The following VRK2 variants were observed in gnomAD, a reference collection of about 807,000 sequenced individuals.
VRK2 encodes the protein VRK serine/threonine kinase 2.
Under a neutral mutation model 57.6 loss-of-function variants are expected in VRK2, and 60 were observed. That is an observed-to-expected ratio of 1.04 (90% CI 0.85 to 1.29). VRK2 has a LOEUF of 1.29. Ranked by LOEUF, VRK2 falls within the 50% of genes most tolerant of loss-of-function variation. The probability of loss-of-function intolerance (pLI) is 0.00; values close to 1 mark genes in which losing one functional copy is unlikely to be tolerated. For missense variants in VRK2, 705 were observed against 588.1 expected (o/e 1.20, Z -2.06); for synonymous variants, 231 against 199.2 (o/e 1.16, Z -1.35).
Position 57,996,504 on chromosome 2 carries a change from A to G in VRK2, c.-438-29161A>G, listed in dbSNP as rs957705093. ...AATCTCTGTACTATAGGTATTGGTC[A>G]TATCCTGAAGGAAGTCAAACATGCG... is the stretch of plus-strand genomic sequence containing the variant. On this transcript the variant is annotated intron_variant, in intron 1 of 15. Coordinates refer to the VRK2 transcript ENST00000417641. Among the ~76,000 whole-genome samples the G allele has an allele frequency of 2.6e-5, 4 of 152,242 alleles. 1 individual carries two copies. The highest frequency in any genetic ancestry group is 6.3e-3 in the Middle Eastern group (2 of 316).
intron 1 of VRK2, among the ~76,000 whole-genome samples, chr2:57,978,885 G>A (rs1333330260): frequency 6.6e-6 from 1 of 150,650 alleles, no homozygotes; most frequent in Non-Finnish European, 1.5e-5. Flanking sequence ...TCCCAATTAT[G>A]AGTTAGAACA....
chr2:58,134,442 T>C (rs1679675273), intron 9 of VRK2, among the ~76,000 whole-genome samples: 1 of 149,312 alleles, frequency 6.7e-6, no homozygotes, highest in Non-Finnish European at 1.5e-5. Flanking sequence ...AAACCCCGTC[T>C]CTACTAAAAA....
chr2:58,008,361 G>C lies in VRK2; in HGVS notation c.-438-17304G>C, dbSNP rs975158267. Among the ~76,000 whole-genome samples, 7 of 152,138 alleles carry C rather than the reference G, an allele frequency of 4.6e-5. No individual in the cohort carries two copies. The East Asian group carries it at 1.4e-3, about 29-fold the overall frequency. ...AAAAAACAGGAAGATGAAAAGGAAGGAAGGAACGAAGAAAGGAAGCAGGAG... is the reference window on the plus strand; with the variant it reads ...AAAAAACAGGAAGATGAAAAGGAAGCAAGGAACGAAGAAAGGAAGCAGGAG... On this transcript the variant is annotated intron_variant, in intron 1 of 15. Transcript: ENST00000417641.
chr2:58,122,607 G>A (rs1457523987), intron 7 of VRK2, among the ~76,000 whole-genome samples: 2 of 152,152 alleles, frequency 1.3e-5, no homozygotes, highest in East Asian at 3.9e-4. Context: ...CTCAGGTATG[G>A]CAGAAGCAGC....
chr2:58,004,825 C>T (rs995163336), intron 1 of VRK2, among the ~76,000 whole-genome samples: 1 of 152,012 alleles, frequency 6.6e-6, no homozygotes, highest in African/African-American at 2.4e-5. Context: ...TCAAAAAATC[C>T]TGAAGGTGAT....
At chr2:58,071,750 T>C (rs1220912246) in intron 2 of VRK2, among the ~76,000 whole-genome samples, 1 of 152,072 alleles carries the variant, frequency 6.6e-6, no homozygotes, top group Non-Finnish European at 1.5e-5. Flanking sequence ...TCTTCAGTAT[T>C]GTGTTTGCTG....
intron 1 of VRK2, among the ~76,000 whole-genome samples, chr2:57,989,187 T>C (rs1465068022): frequency 3.9e-5 from 6 of 152,200 alleles, no homozygotes; most frequent in Non-Finnish European, 8.8e-5. Flanking sequence ...CTCACTACTC[T>C]GTCTAATTTC....
chr2:57,910,795 A>G (rs2678903), intron 1 of VRK2, among the ~76,000 whole-genome samples: 98,347 of 151,978 alleles, frequency 0.65, 32,140 homozygotes, highest in African/African-American at 0.76. Flanking sequence ...AGAAAAGGAT[A>G]AAATACTGTG....
At chr2:58,034,244 G>A (rs1246218845) in intron 3 of VRK2, among the ~76,000 whole-genome samples, 4 of 151,992 alleles carry the variant, frequency 2.6e-5, no homozygotes, top group African/African-American at 9.7e-5. Context: ...CTACCTTTCA[G>A]AATCGTTTTC....
chr2:58,059,465 T>C (rs1443308699), intron 2 of VRK2, among the ~76,000 whole-genome samples: 1 of 151,986 alleles, frequency 6.6e-6, no homozygotes, highest in African/African-American at 2.4e-5. Context: ...TGACTATATT[T>C]TTTCATTGGA....
chr2:58,106,195 T>C (rs1271700046), intron 7 of VRK2, among the ~76,000 whole-genome samples: 1 of 151,942 alleles, frequency 6.6e-6, no homozygotes. Flanking sequence ...CCTTGAGAAC[T>C]TGTGTCAAAA....
chr2:58,100,726 A>G (rs948926355), intron 7 of VRK2, among the ~76,000 whole-genome samples: 2 of 151,748 alleles, frequency 1.3e-5, no homozygotes, highest in Non-Finnish European at 3.0e-5. Context: ...GAACTTTGAT[A>G]ATTTGCTATA....
intron 1 of VRK2, among the ~76,000 whole-genome samples, chr2:57,920,063 GA>G (rs762828708): frequency 6.6e-5 from 10 of 151,980 alleles, no homozygotes; most frequent in Non-Finnish European, 1.5e-4. Context: ...TTTTGGTGTT[GA>G]GAATCTATCA....
intron 2 of VRK2, among the ~76,000 whole-genome samples, chr2:58,064,177 C>A (rs780343274): frequency 6.6e-6 from 1 of 152,080 alleles, no homozygotes; most frequent in Non-Finnish European, 1.5e-5. Context: ...TAGAGTATTA[C>A]ATAAATTTAG....
chr2:57,960,179 G>C (rs977504181), intron 1 of VRK2, among the ~76,000 whole-genome samples: 1 of 152,102 alleles, frequency 6.6e-6, no homozygotes, highest in Non-Finnish European at 1.5e-5. Flanking sequence ...TTGTCTGTTT[G>C]TCATGTCTCT....
intron 1 of VRK2, among the ~76,000 whole-genome samples, chr2:57,926,250 T>C (rs1472256795): frequency 6.6e-6 from 1 of 151,956 alleles, no homozygotes; most frequent in Admixed American, 6.6e-5. Context: ...TCTTGTTCTA[T>C]AGTGCAGATT....
intron 8 of VRK2, among the ~76,000 whole-genome samples, chr2:58,130,997 A>G (rs1679113330): frequency 6.6e-6 from 1 of 152,024 alleles, no homozygotes; most frequent in Admixed American, 6.6e-5. Flanking sequence ...ATTAGACTAC[A>G]GCATTTAATA....
chr2:58,054,116 C>T (rs1676160693), intron 2 of VRK2, among the ~76,000 whole-genome samples: 1 of 152,146 alleles, frequency 6.6e-6, no homozygotes, highest in African/African-American at 2.4e-5. Flanking sequence ...AGTTATCTAT[C>T]AGTTAAGAAA....
intron 7 of VRK2, among the ~76,000 whole-genome samples, chr2:58,092,622 A>G (rs1672537392): frequency 6.6e-6 from 1 of 152,172 alleles, no homozygotes; most frequent in Admixed American, 6.5e-5. Flanking sequence ...ACCATTAAAC[A>G]TTCCCATCAG....
Sources: allele counts gnomAD v4.1 joint callset (sites outside exome capture counted in the v4.1 genomes callset), GRCh38; gene constraint gnomAD v4.1.1; transcripts MANE v1.5; gene names NCBI Gene and HGNC (gene_info 2026-07-23, HGNC 2026-07-21).